ULK4: variants seen among roughly 807,000 people sequenced by gnomAD.
ULK4 encodes the protein unc-51 like kinase 4.
A neutral mutation model predicts 160.6 loss-of-function variants in ULK4; 133 were observed. The observed-to-expected ratio is 0.83, with a 90% CI of 0.72 to 0.96. The LOEUF (loss-of-function observed/expected upper bound fraction) is 0.96, where lower values mean the gene tolerates loss of function less well. ULK4 is among the 40% of genes least tolerant of loss of function. The pLI is 0.00. For missense variants in ULK4, 1,580 were observed against 1,499.5 expected (o/e 1.05, Z -0.89); for synonymous variants, 534 against 539.8 (o/e 0.99, Z 0.15).
At chr3:41,874,189 A>C (rs1460533253) in intron 17 of ULK4, among the ~76,000 whole-genome samples, 1 of 152,172 alleles carries the variant, frequency 6.6e-6, no homozygotes, top group Non-Finnish European at 1.5e-5. Context: ...AATGAAAAGC[A>C]ATACTACTCA....
At chr3:41,819,156 G>A (rs2125629363) in intron 19 of ULK4, among the ~76,000 whole-genome samples, 1 of 152,272 alleles carries the variant, frequency 6.6e-6, no homozygotes, top group East Asian at 1.9e-4. Flanking sequence ...TTAAGAATAT[G>A]CTATTGAATG....
intron 19 of ULK4, among the ~76,000 whole-genome samples, chr3:41,807,694 GTACAAAC>G (rs1446268250): frequency 1.3e-5 from 2 of 152,082 alleles, no homozygotes; most frequent in Non-Finnish European, 2.9e-5. Flanking sequence ...ATACCATATA[GTACAAAC>G]TACAAGACTG....
intron 17 of ULK4, among the ~76,000 whole-genome samples, chr3:41,877,132 A>C (rs1697334217): frequency 6.6e-6 from 1 of 152,218 alleles, no homozygotes; most frequent in South Asian, 2.1e-4. Flanking sequence ...TGACAAAAGT[A>C]CAAAGTGAAG....
intron 17 of ULK4, among the ~76,000 whole-genome samples, chr3:41,861,682 A>G (rs1296545206): frequency 1.3e-5 from 2 of 152,088 alleles, no homozygotes; most frequent in Non-Finnish European, 2.9e-5. Context: ...GGACACTGAC[A>G]TCTTTCTCTA....
chr3:41,755,020 T>C (rs1465772762), intron 21 of ULK4, among the ~76,000 whole-genome samples: 1 of 152,216 alleles, frequency 6.6e-6, no homozygotes, highest in Non-Finnish European at 1.5e-5. Flanking sequence ...AAGGTATAAT[T>C]CAACACAGAG....
intron 31 of ULK4, among the ~76,000 whole-genome samples, chr3:41,582,458 T>C (rs2030444413): frequency 6.6e-6 from 1 of 152,172 alleles, no homozygotes. Context: ...TCATTATAAA[T>C]CAGAGATATC....
At chr3:41,825,224 G>C (rs2041301709) in intron 18 of ULK4, among the ~76,000 whole-genome samples, 1 of 152,122 alleles carries the variant, frequency 6.6e-6, no homozygotes, top group South Asian at 2.1e-4. Context: ...AAACAGAGCA[G>C]AAAAACTGGA....
chr3:41,733,680 G>A (rs934924345), intron 22 of ULK4, among the ~76,000 whole-genome samples: 4 of 144,638 alleles, frequency 2.8e-5, no homozygotes, highest in African/African-American at 1.0e-4. Context: ...TGAAAAATTA[G>A]ACTTTCATAT....
intron 35 of ULK4, among the ~76,000 whole-genome samples, chr3:41,396,711 C>T (rs906921504): frequency 2.0e-5 from 3 of 152,112 alleles, no homozygotes; most frequent in Non-Finnish European, 2.9e-5. Flanking sequence ...TGCCTCACTA[C>T]GTGATTCCAC....
intron 21 of ULK4, among the ~76,000 whole-genome samples, chr3:41,783,797 G>A (rs780324248): frequency 6.6e-6 from 1 of 152,086 alleles, no homozygotes; most frequent in Non-Finnish European, 1.5e-5. Context: ...AAATTGTAAT[G>A]AGCTCATCCA....
At chr3:41,497,064 T>TAGAA (rs60484619) in intron 32 of ULK4, among the ~76,000 whole-genome samples, 62,551 of 149,482 alleles carry the variant, frequency 0.42, 13,211 homozygotes, top group African/African-American at 0.46. Context: ...AGATATTAAA[T>TAGAA]AGAGACACTA....
chr3:41,516,914 G>T (rs904533203), intron 32 of ULK4, among the ~76,000 whole-genome samples: 1 of 152,080 alleles, frequency 6.6e-6, no homozygotes, highest in Admixed American at 6.6e-5. Flanking sequence ...CCACATGCCT[G>T]TATCAAATCA....
chr3:41,849,954 C>T (rs1310417622), intron 17 of ULK4, among the ~76,000 whole-genome samples: 2 of 151,980 alleles, frequency 1.3e-5, no homozygotes, highest in Non-Finnish European at 2.9e-5. Context: ...TAATGCTATC[C>T]CTTCCCCTCC....
intron 2 of ULK4, among the ~76,000 whole-genome samples, chr3:41,941,394 T>G (rs775611386): frequency 5.5e-5 from 8 of 145,266 alleles, no homozygotes; most frequent in Non-Finnish European, 1.2e-4. Flanking sequence ...CTACTACCAC[T>G]TAACACAAAC....
At chr3:41,294,994 G>A (rs981976668) in intron 35 of ULK4, among the ~76,000 whole-genome samples, 11 of 152,192 alleles carry the variant, frequency 7.2e-5, no homozygotes, top group Non-Finnish European at 1.6e-4. Flanking sequence ...AATAGCCAAT[G>A]CAGTATTGAA....
chr3:41,294,248 A>G lies in ULK4; in HGVS notation c.3679-44674T>C, dbSNP rs138315191. 6.2e-3 allele frequency among the ~76,000 whole-genome samples: 948 copies of G among 152,288 alleles called. 7 individuals are homozygous for G. The highest frequency in any genetic ancestry group is 0.022 in the African/African-American group (896 of 41,562). On this transcript the variant is annotated intron_variant, in intron 35 of 36. Coordinates refer to ENST00000301831, the MANE Select transcript of ULK4 (RefSeq NM_017886.4). ...TGGGTTTGCTCTCTTCTGCCATGTG[A>G]AGACAAAACATTCCTCCCCTCTGGA... is the stretch of plus-strand genomic sequence containing the variant.
chr3:41,320,673 T>G (rs563514034), intron 35 of ULK4, among the ~76,000 whole-genome samples: 1 of 151,816 alleles, frequency 6.6e-6, no homozygotes, highest in East Asian at 1.9e-4. Context: ...TCCCAGCACT[T>G]TGAGAGGCTG....
rs73831320 is a variant in ULK4, at chr3:41,337,335, A to T, written c.3678+60744T>A. Among the ~76,000 whole-genome samples, 381 of 152,302 alleles carry T rather than the reference A, an allele frequency of 2.5e-3. 2 individuals are homozygous for T. The highest frequency in any genetic ancestry group is 8.9e-3 in the African/African-American group (369 of 41,564). ...TGTATGAGGTTGGGATGAGAGAGGA[A>T]TGCAGGAATAAGAACTGTCATCTCT... is the stretch of plus-strand genomic sequence containing the variant. On this transcript the variant is annotated intron_variant, in intron 35 of 36. Coordinates refer to ENST00000301831, the MANE Select transcript of ULK4 (RefSeq NM_017886.4).
chr3:41,725,013 C>G (rs935333806), intron 22 of ULK4, among the ~76,000 whole-genome samples: 12 of 152,098 alleles, frequency 7.9e-5, no homozygotes, highest in Admixed American at 7.9e-4. Context: ...TGTTAAGAGA[C>G]CACTGTTGAT....
Sources: allele counts gnomAD v4.1 joint callset (sites outside exome capture counted in the v4.1 genomes callset), GRCh38; gene constraint gnomAD v4.1.1; transcripts MANE v1.5; gene names NCBI Gene and HGNC (gene_info 2026-07-23, HGNC 2026-07-21).